The following SAMD7 variants were observed in gnomAD, a reference collection of about 807,000 sequenced individuals.
SAMD7 encodes the protein sterile alpha motif domain containing 7.
A neutral mutation model predicts 36.7 loss-of-function variants in SAMD7; 34 were observed. The ratio of observed to expected loss-of-function variants is 0.93; its 90% CI spans 0.71 to 1.23. The LOEUF (loss-of-function observed/expected upper bound fraction) is 1.23. SAMD7 is among the 50% of genes most tolerant of loss of function. The probability of loss-of-function intolerance (pLI) is 0.00; values close to 1 mark genes in which losing one functional copy is unlikely to be tolerated. For synonymous variants in SAMD7, 188 were observed against 189.7 expected (o/e 0.99, Z 0.07); for missense variants, 570 against 546.6 (o/e 1.04, Z -0.43).
intron 6 of SAMD7, among the ~76,000 whole-genome samples, 183 bp downstream of exon 6, chr3:169,927,364 G>A (rs575553531): frequency 9.8e-5 from 13 of 132,730 alleles, no homozygotes; most frequent in Middle Eastern, 5.5e-3. Context: ...GCGCGATCTC[G>A]GCTCACTGCA....
intron 7 of SAMD7, among the ~76,000 whole-genome samples, chr3:169,930,894 C>T (rs868432380): frequency 6.6e-6 from 1 of 152,060 alleles, no homozygotes; most frequent in Non-Finnish European, 1.5e-5. Flanking sequence ...TAGCCCCTTT[C>T]TTTAAATGAG....
At chr3:169,915,549 T>G in intron 2 of SAMD7, 108 bp downstream of exon 2, 1 of 148,942 alleles carries the variant, frequency 6.7e-6, no homozygotes, top group Admixed American at 6.7e-5. Context: ...TCACATAGGA[T>G]ACAAGCTGAG....
intron 7 of SAMD7, among the ~76,000 whole-genome samples, chr3:169,935,030 G>C (rs1478791803): frequency 6.6e-6 from 1 of 152,088 alleles, no homozygotes; most frequent in African/African-American, 2.4e-5. Flanking sequence ...ATGTTTGGTG[G>C]GACAGAGGCA....
Position 169,925,148 on chromosome 3 carries a change from ATGT to A in SAMD7, c.290+17_290+19del. 2 of 1,572,328 alleles carry A rather than the reference ATGT, an allele frequency of 1.3e-6. No individual in the cohort carries two copies. Among genetic ancestry groups the A allele is most frequent in the Non-Finnish European group, 1.7e-6 (2 of 1,148,504 alleles). ...CATCATACTGCCAGGTAATTTGGCA[ATGT>A]TGTTTTATTTATTCTCTATTCATTC... On this transcript the variant is annotated intron_variant, in intron 5 of 8. Coordinates refer to ENST00000335556, the MANE Select transcript of SAMD7 (RefSeq NM_001304366.2).
rs1007793061 is a variant in SAMD7, at chr3:169,931,968, G to A, written c.1041+3390G>A. 54 of 538,236 alleles carry A rather than the reference G, an allele frequency of 1.0e-4. No individual in the cohort carries two copies. The African/African-American group carries it at 1.0e-3, about 10-fold the overall frequency. The allele number at this position is 538,236 out of a possible 1,614,324, so 33.3% of individuals were successfully genotyped here. ...CCTTGATAAGTGAGCCAGAGAGTGA[G>A]TGGGTCAGGGGAGAAGAAAAGAGGT... On this transcript the variant is annotated intron_variant, in intron 7 of 8. Coordinates refer to ENST00000335556, the MANE Select transcript of SAMD7 (RefSeq NM_001304366.2).
intron 7 of SAMD7, among the ~76,000 whole-genome samples, chr3:169,929,555 T>A (rs879589739): frequency 5.3e-5 from 8 of 152,236 alleles, no homozygotes; most frequent in Non-Finnish European, 1.2e-4. Context: ...ATATAGCTTC[T>A]GAAGCCAGAA....
chr3:169,928,366 A>G, intron 6 of SAMD7, 91 bp from the exon 7 acceptor site: 1 of 1,098,536 alleles, frequency 9.1e-7, no homozygotes, highest in South Asian at 1.7e-5. Flanking sequence ...GCAAATCAAG[A>G]CCACTCTGGG....
At chr3:169,932,982 C>A (rs1445270397) in intron 7 of SAMD7, 4 of 708,554 alleles carry the variant, frequency 5.6e-6, no homozygotes, top group Non-Finnish European at 8.0e-6. Flanking sequence ...AGCATTCTTT[C>A]CCCCCCTCTA....
chr3:169,926,596 G>T lies in SAMD7; in HGVS notation c.334G>T (p.Glu112Ter). The change falls in exon 6 of 9, where the codon GAA becomes TAA. Residue 112 changes from glutamate to a stop codon, truncating the protein, a stop_gained. Transcript: ENST00000335556. LOFTEE classifies it high-confidence loss of function. ...MYAIYQQRRMEKINPKGLAGL... is the reference protein window; with the variant it reads ...MYAIYQQRRM ...TGCTATTTACCAGCAAAGGAGAATG[G>T]AAAAAATTAATCCCAAGGGACTAGC... The T allele has an allele frequency of 6.2e-7, 1 of 1,612,838 alleles. No individual in the cohort carries two copies. Among genetic ancestry groups the T allele is most frequent in the Non-Finnish European group, 8.5e-7 (1 of 1,179,338 alleles).
chr3:169,913,048 C>A (rs1444953550), intron 1 of SAMD7, among the ~76,000 whole-genome samples: 4 of 152,084 alleles, frequency 2.6e-5, no homozygotes, highest in African/African-American at 9.7e-5. Flanking sequence ...TCGCAAGAAG[C>A]CAGGCCTGAA....
intron 3 of SAMD7, among the ~76,000 whole-genome samples, chr3:169,920,679 G>GT (rs1456533204): frequency 8.9e-4 from 136 of 151,970 alleles, no homozygotes; most frequent in Middle Eastern, 3.4e-3. Flanking sequence ...TTGTTTTTTT[G>GT]TTTTTTGTTG....
rs541103687 is a variant in SAMD7 at position 169,932,241 on chromosome 3, T to C, written c.1041+3663T>C. ...GGGTGGTTCCCCAGGAAGTGTACTG[T>C]GAAGAGACACCAGAGCTGGGGGCAA... is the stretch of plus-strand genomic sequence containing the variant. On this transcript the variant is annotated intron_variant, in intron 7 of 8. Transcript: ENST00000335556. 9 of 851,156 alleles carry C rather than the reference T, an allele frequency of 1.1e-5. No individual in the cohort carries two copies. In the African/African-American group the frequency reaches 1.2e-4, roughly 11 times the overall value. The allele number at this position is 851,156 out of a possible 1,614,324, so 52.7% of individuals were successfully genotyped here. A position where few individuals can be genotyped will look rare whatever the true frequency, so the allele number is the denominator to read the frequency against.
intron 3 of SAMD7, 51 bp downstream of exon 3, chr3:169,919,635 T>C (rs368434217): frequency 2.2e-6 from 3 of 1,366,430 alleles, no homozygotes; most frequent in East Asian, 2.3e-5. Context: ...TGGACAATCA[T>C]TACGTTTTGG....
At chr3:169,919,385 G>A in intron 2 of SAMD7, 73 bp from the exon 3 acceptor site, 1 of 808,778 alleles carries the variant, frequency 1.2e-6, no homozygotes, top group African/African-American at 1.7e-5. Context: ...GGCTTTTATT[G>A]TGTTCAAGAA....
chr3:169,917,984 C>T (rs368844735), intron 2 of SAMD7, among the ~76,000 whole-genome samples: 4 of 151,310 alleles, frequency 2.6e-5, no homozygotes, highest in African/African-American at 9.7e-5. Context: ...GTCACCCAGG[C>T]TGGGGTGCAG....
At chr3:169,911,985 TTCC>T (rs1325037090) in intron 1 of SAMD7, among the ~76,000 whole-genome samples, 164 bp downstream of exon 1, 1 of 152,214 alleles carries the variant, frequency 6.6e-6, no homozygotes, top group African/African-American at 2.4e-5. Flanking sequence ...AGCTAATAAA[TTCC>T]TACTTGACTG....
intron 1 of SAMD7, among the ~76,000 whole-genome samples, chr3:169,912,981 G>A (rs1433952246): frequency 6.6e-6 from 1 of 152,182 alleles, no homozygotes; most frequent in African/African-American, 2.4e-5. Context: ...CAAAACATAA[G>A]TAGGAGGAAT....
chr3:169,924,966 T>A, intron 4 of SAMD7, 92 bp from the exon 5 acceptor site: 1 of 773,542 alleles, frequency 1.3e-6, no homozygotes, highest in Non-Finnish European at 2.1e-6. Flanking sequence ...TTTTTTCAGA[T>A]ACTGTTTTAC....
Position 169,938,318 on chromosome 3 carries a change from G to T in SAMD7, c.1153G>T (p.Val385Leu), listed in dbSNP as rs746879032. 2.5e-6 allele frequency: 4 copies of T among 1,589,972 alleles called. No individual in the cohort carries two copies. The highest frequency in any genetic ancestry group is 2.2e-5 in the East Asian group (1 of 44,766). ...LGPALKIQSQ[V>L]SQHVGSMFYK... is the part of the protein sequence containing the mutation. ...TACTATAATTATTTTGTCTTAAAAG[G>T]TATCTCAGCATGTGGGAAGTATGTT... The change falls in exon 9 of 9, where the codon GTA becomes TTA. Residue 385 changes from valine to leucine, a missense_variant and splice_region_variant. Transcript: ENST00000335556.
Sources: gnomAD v4.1 joint callset for allele counts (sites outside exome capture counted in the v4.1 genomes callset) on GRCh38, gnomAD v4.1.1 for gene constraint, MANE v1.5 for transcripts, NCBI Gene and HGNC (gene_info 2026-07-23, HGNC 2026-07-21) for gene names.